The following PDE1A variants were observed in gnomAD, a reference collection of about 807,000 sequenced individuals.
The protein encoded by PDE1A is dual specificity calcium/calmodulin-dependent 3',5'-cyclic nucleotide phosphodiesterase 1A.
Under a neutral mutation model 61.7 loss-of-function variants are expected in PDE1A, and 35 were observed. The observed-to-expected ratio is 0.57, with a 90% CI of 0.43 to 0.75. PDE1A has a LOEUF of 0.75. PDE1A is among the 30% of genes least tolerant of loss of function. The pLI, the probability that PDE1A is intolerant of heterozygous loss-of-function variation, is 0.00. For synonymous variants in PDE1A, 232 were observed against 213.2 expected (o/e 1.09, Z -0.77); for missense variants, 597 against 630.6 (o/e 0.95, Z 0.57).
chr2:182,519,581 A>C (rs1690433780), intron 2 of PDE1A, among the ~76,000 whole-genome samples: 1 of 151,988 alleles, frequency 6.6e-6, no homozygotes, highest in Non-Finnish European at 1.5e-5. Context: ...TATTATATGA[A>C]GACAATTTAG....
At chr2:182,595,933 G>C in the PDE1A span, among the ~76,000 whole-genome samples, 1 of 152,072 alleles carries the variant, frequency 6.6e-6, no homozygotes, top group African/African-American at 2.4e-5. Context: ...CTGATGCTAG[G>C]GCCCATCCAG....
At chr2:182,488,163 C>A (rs1187764453) in intron 2 of PDE1A, among the ~76,000 whole-genome samples, 1 of 152,130 alleles carries the variant, frequency 6.6e-6, no homozygotes, top group Non-Finnish European at 1.5e-5. Flanking sequence ...AGTTCCATCA[C>A]ACTGATATGT....
At chr2:182,239,409 C>T (rs1176945587) in intron 3 of PDE1A, among the ~76,000 whole-genome samples, 1 of 152,094 alleles carries the variant, frequency 6.6e-6, no homozygotes, top group South Asian at 2.1e-4. Flanking sequence ...CATAAAATGT[C>T]TATTTTGGCG....
chr2:182,206,550 A>C (rs1687119500), intron 7 of PDE1A, among the ~76,000 whole-genome samples: 1 of 151,966 alleles, frequency 6.6e-6, no homozygotes, highest in Non-Finnish European at 1.5e-5. Flanking sequence ...TCTGTGCTCC[A>C]CCTCTTCATC....
intron 13 of PDE1A, among the ~76,000 whole-genome samples, chr2:182,153,443 T>C (rs976394946): frequency 3.9e-5 from 6 of 152,240 alleles, no homozygotes; most frequent in Admixed American, 6.5e-5. Flanking sequence ...TGTGAGCTCC[T>C]ACCCACTGGT....
chr2:182,434,651 T>C (rs1704121773), intron 2 of PDE1A, among the ~76,000 whole-genome samples: 1 of 151,990 alleles, frequency 6.6e-6, no homozygotes, highest in Admixed American at 6.6e-5. Flanking sequence ...ATCACTTGAA[T>C]TTTGGAGAGG....
chr2:182,328,802 C>T (rs1236849224), intron 1 of PDE1A, among the ~76,000 whole-genome samples: 2 of 152,168 alleles, frequency 1.3e-5, no homozygotes, highest in African/African-American at 2.4e-5. Context: ...CAGTGCTAAA[C>T]TCTTCAAGGA....
intron 1 of PDE1A, among the ~76,000 whole-genome samples, chr2:182,419,024 T>A (rs1703099704): frequency 6.6e-6 from 1 of 151,146 alleles, no homozygotes; most frequent in African/African-American, 2.4e-5. Flanking sequence ...AGCTAAACTA[T>A]GCAAGAGAAA....
At chr2:182,587,205 T>C in the PDE1A span, among the ~76,000 whole-genome samples, 3 of 152,184 alleles carry the variant, frequency 2.0e-5, no homozygotes, top group African/African-American at 7.2e-5. Flanking sequence ...TGTTTCATAT[T>C]AAGGAGTTTG....
At chr2:182,182,224 G>A (rs902522384) in intron 13 of PDE1A, among the ~76,000 whole-genome samples, 11 of 152,120 alleles carry the variant, frequency 7.2e-5, no homozygotes. Flanking sequence ...TACAAATAAT[G>A]TGTAAGAAAA....
the PDE1A span, among the ~76,000 whole-genome samples, chr2:182,539,114 GC>G: frequency 6.6e-6 from 1 of 152,164 alleles, no homozygotes; most frequent in South Asian, 2.1e-4. Context: ...AGCCACACTG[GC>G]CTTTTTTCCA....
chr2:182,563,363 G>C, the PDE1A span, among the ~76,000 whole-genome samples: 1 of 152,130 alleles, frequency 6.6e-6, no homozygotes, highest in African/African-American at 2.4e-5. Context: ...TAGTTAAGTG[G>C]TTTTGAGTGA....
intron 1 of PDE1A, among the ~76,000 whole-genome samples, chr2:182,272,470 A>G (rs1693099713): frequency 6.6e-6 from 1 of 152,222 alleles, no homozygotes; most frequent in South Asian, 2.1e-4. Context: ...GTTTGAGGAA[A>G]GAATAAAGGC....
chr2:182,144,588 G>T (rs906423336), downstream of PDE1A, among the ~76,000 whole-genome samples: 6 of 152,136 alleles, frequency 3.9e-5, no homozygotes, highest in Non-Finnish European at 7.3e-5. Flanking sequence ...CTGGGAAATT[G>T]CCTCACAGTG....
At position 182,211,093 on chromosome 2, in the gene PDE1A, C is replaced by G. The variant is rs180973206; in HGVS notation, c.777-5028G>C. Among the ~76,000 whole-genome samples the G allele has an allele frequency of 3.4e-3, 518 of 152,164 alleles. 2 individuals carry two copies. The highest frequency in any genetic ancestry group is 0.012 in the African/African-American group (504 of 41,528). The stretch of plus-strand genomic sequence containing the variant: ...TTTATAATGGCATTAATTTATTTAT[C>G]AGGATAGAACACTCCTGACCTCAAT... On this transcript the variant is annotated intron_variant, in intron 7 of 13. Transcript: ENST00000351439.
At chr2:182,189,148 C>T (rs538859445) in intron 10 of PDE1A, 88 bp from the exon 11 acceptor site, 46 of 714,354 alleles carry the variant, frequency 6.4e-5, no homozygotes, top group Admixed American at 3.0e-4. Context: ...AGAAAAGCCA[C>T]ATCTTTCATT....
the PDE1A span, among the ~76,000 whole-genome samples, chr2:182,579,803 T>C: frequency 2.0e-5 from 3 of 152,222 alleles, no homozygotes; most frequent in African/African-American, 7.2e-5. Flanking sequence ...TATACACTTG[T>C]ATAATTTGGA....
At chr2:182,355,160 A>T (rs1382076686) in intron 1 of PDE1A, among the ~76,000 whole-genome samples, 2 of 152,020 alleles carry the variant, frequency 1.3e-5, no homozygotes, top group Non-Finnish European at 2.9e-5. Context: ...ATAATTAAAT[A>T]AAAAAGAAAT....
At chr2:182,523,099 T>G (rs1419164307), upstream of PDE1A, 1 of 152,170 alleles carries the variant, frequency 6.6e-6, no homozygotes, top group African/African-American at 2.4e-5. Context: ...GCATGCTTAT[T>G]CACCTTCTCC....
Sources: gnomAD v4.1 joint callset for allele counts (sites outside exome capture counted in the v4.1 genomes callset) on GRCh38, gnomAD v4.1.1 for gene constraint, MANE v1.5 for transcripts, NCBI Gene and HGNC (gene_info 2026-07-23, HGNC 2026-07-21) for gene names.